The following SLC2A9 variants were observed in gnomAD, a reference collection of about 807,000 sequenced individuals.
SLC2A9 encodes solute carrier family 2 member 9.
A neutral mutation model predicts 50.6 loss-of-function variants in SLC2A9; 39 were observed. The observed-to-expected ratio is 0.77, with a 90% CI of 0.60 to 1.01. The LOEUF (loss-of-function observed/expected upper bound fraction) is 1.01. Ranked by LOEUF, SLC2A9 falls within the 50% of genes least tolerant of loss-of-function variation. The pLI, the probability that SLC2A9 is intolerant of heterozygous loss-of-function variation, is 0.00. For missense variants in SLC2A9, 686 were observed against 677.6 expected (o/e 1.01, Z -0.14); for synonymous variants, 324 against 276.9 (o/e 1.17, Z -1.69).
chr4:10,025,844 A>C, upstream of SLC2A9: 1 of 1,517,244 alleles, frequency 6.6e-7, no homozygotes, highest in Non-Finnish European at 9.1e-7. Flanking sequence ...GGAAAGGGGT[A>C]CTACCCCCTG....
chr4:9,997,086 T>A, intron 2 of SLC2A9, 145 bp from the exon 3 acceptor site: 1 of 871,868 alleles, frequency 1.1e-6, no homozygotes. Flanking sequence ...CTCATTGGCC[T>A]CTTCTAACAA....
chr4:9,847,612 T>C lies in SLC2A9; in HGVS notation c.1292-12604A>G, dbSNP rs115092142. ...CCAGGAACCCATGCTGGGGCATCAA[T>C]GGTGGCAGAAAGCTGATTCAACTTC... On this transcript the variant is annotated intron_variant, in intron 10 of 11. Transcript: ENST00000264784. Among the ~76,000 whole-genome samples, 821 of 152,332 alleles carry C rather than the reference T, an allele frequency of 5.4e-3. 7 individuals carry two copies. Among genetic ancestry groups the C allele is most frequent in the African/African-American group, 0.019 (775 of 41,586 alleles).
intron 6 of SLC2A9, among the ~76,000 whole-genome samples, chr4:9,928,285 A>G (rs2110142322): frequency 6.6e-6 from 1 of 152,364 alleles, no homozygotes; most frequent in Middle Eastern, 3.4e-3. Flanking sequence ...TTTCAAATTC[A>G]AGATGTAGTC....
At chr4:9,858,564 G>T (rs927808457) in intron 10 of SLC2A9, among the ~76,000 whole-genome samples, 1 of 152,172 alleles carries the variant, frequency 6.6e-6, no homozygotes, top group Non-Finnish European at 1.5e-5. Context: ...CATTTTGAGA[G>T]TGTAAGGGGG....
At chr4:9,878,403 CA>C (rs1734635743) in intron 10 of SLC2A9, among the ~76,000 whole-genome samples, 1 of 152,064 alleles carries the variant, frequency 6.6e-6, no homozygotes, top group Non-Finnish European at 1.5e-5. Context: ...TGAGTTCAGT[CA>C]CCAGTGGCCA....
At chr4:9,887,308 C>T (rs1465706951) in intron 10 of SLC2A9, among the ~76,000 whole-genome samples, 1 of 152,250 alleles carries the variant, frequency 6.6e-6, no homozygotes, top group Admixed American at 6.5e-5. Flanking sequence ...AGCCCTCCCG[C>T]GTATGAACTG....
At chr4:9,843,817 T>C (rs1728485424) in intron 10 of SLC2A9, among the ~76,000 whole-genome samples, 1 of 152,324 alleles carries the variant, frequency 6.6e-6, no homozygotes, top group Admixed American at 6.5e-5. Context: ...CATCCTGTGA[T>C]CTGAGTAAGC....
At chr4:9,879,124 G>T in intron 10 of SLC2A9, 1 of 935,490 alleles carries the variant, frequency 1.1e-6, no homozygotes, top group Non-Finnish European at 1.3e-6. Context: ...AGTCCCTGAT[G>T]TTAGGAGGAC....
rs116960743 is a variant in SLC2A9 at position 9,930,065 on chromosome 4, C to A, written c.815-9493G>T. On this transcript the variant is annotated intron_variant, in intron 6 of 11. Coordinates refer to ENST00000264784, the MANE Select transcript of SLC2A9 (RefSeq NM_020041.3). ...AGCACAAACATTCAGACCATGACAGCAACTTAGAATCAGACCCTTCAGAGC... is the reference window on the plus strand; with the variant it reads ...AGCACAAACATTCAGACCATGACAGAAACTTAGAATCAGACCCTTCAGAGC... Among the ~76,000 whole-genome samples the A allele has an allele frequency of 5.4e-4, 82 of 152,268 alleles. No homozygotes were observed. In the East Asian group the frequency reaches 0.013, roughly 25 times the overall value.
chr4:9,972,632 C>T (rs762304917), intron 5 of SLC2A9, among the ~76,000 whole-genome samples: 1 of 152,160 alleles, frequency 6.6e-6, no homozygotes, highest in Non-Finnish European at 1.5e-5. Flanking sequence ...TAGAAATCAA[C>T]ACCAAGAAGA....
downstream of SLC2A9, among the ~76,000 whole-genome samples, chr4:9,822,020 T>C (rs1318565333): frequency 2.6e-5 from 4 of 152,252 alleles, no homozygotes; most frequent in Non-Finnish European, 5.9e-5. Context: ...GGCAGGGTTA[T>C]TAACAGCATT....
intron 1 of SLC2A9, among the ~76,000 whole-genome samples, chr4:9,772,590 C>CA (rs975547076): frequency 3.9e-5 from 6 of 152,220 alleles, no homozygotes; most frequent in African/African-American, 1.4e-4. Flanking sequence ...CACACAGAAG[C>CA]AAACAGAGCC....
At chr4:9,823,412 T>C (rs28724306), downstream of SLC2A9, among the ~76,000 whole-genome samples, 5,748 of 152,274 alleles carry the variant, frequency 0.038, 350 homozygotes, top group African/African-American at 0.13. Flanking sequence ...CCCATTATAT[T>C]TGGGTATCTG....
rs558935599 is a variant in SLC2A9 at position 9,853,945 on chromosome 4, A to T, written c.1292-18937T>A. ...AAAAATAAAGAAATTGATTGAAATTAATGAGAACAAATATATAACATACCA... is the reference window on the plus strand; with the variant it reads ...AAAAATAAAGAAATTGATTGAAATTTATGAGAACAAATATATAACATACCA... On this transcript the variant is annotated intron_variant, in intron 10 of 11. Coordinates refer to ENST00000264784, the MANE Select transcript of SLC2A9 (RefSeq NM_020041.3). Among the ~76,000 whole-genome samples, 3 of 152,298 alleles carry T rather than the reference A, an allele frequency of 2.0e-5. No individual in the cohort carries two copies. In the East Asian group the frequency reaches 5.8e-4, roughly 29 times the overall value.
At chr4:9,904,773 C>A (rs984069442) in intron 8 of SLC2A9, among the ~76,000 whole-genome samples, 2 of 152,178 alleles carry the variant, frequency 1.3e-5, no homozygotes, top group African/African-American at 4.8e-5. Context: ...TGTTTCTCCC[C>A]AGAACATTTT....
chr4:9,912,816 T>C (rs562130336), intron 7 of SLC2A9, among the ~76,000 whole-genome samples: 9 of 152,316 alleles, frequency 5.9e-5, no homozygotes, highest in East Asian at 1.9e-4. Flanking sequence ...TTTGCAGATA[T>C]GTTAAGTTCA....
At chr4:9,779,405 T>C (rs1718018241), downstream of SLC2A9, among the ~76,000 whole-genome samples, 2 of 151,698 alleles carry the variant, frequency 1.3e-5, no homozygotes, top group Admixed American at 1.3e-4. Flanking sequence ...AAAGTCTATC[T>C]AGACTTTAAA....
At chr4:9,795,821 T>C (rs907012366), downstream of SLC2A9, among the ~76,000 whole-genome samples, 1 of 152,152 alleles carries the variant, frequency 6.6e-6, no homozygotes, top group African/African-American at 2.4e-5. Context: ...TCACACTCTC[T>C]GTCCACAAAA....
chr4:9,937,102 C>T (rs1747226873), intron 6 of SLC2A9, among the ~76,000 whole-genome samples: 1 of 152,196 alleles, frequency 6.6e-6, no homozygotes. Flanking sequence ...GAATGGCACC[C>T]ATCACAGGCA....
Sources: gnomAD v4.1 joint callset for allele counts (sites outside exome capture counted in the v4.1 genomes callset) on GRCh38, gnomAD v4.1.1 for gene constraint, MANE v1.5 for transcripts, NCBI Gene and HGNC (gene_info 2026-07-23, HGNC 2026-07-21) for gene names.